Variants in PLEK observed in about 807,000 individuals in gnomAD.
PLEK encodes the protein pleckstrin.
PLEK carries 25 observed loss-of-function variants against 43.9 expected under a neutral mutation model. The ratio of observed to expected loss-of-function variants is 0.57; its 90% confidence interval spans 0.41 to 0.79. The LOEUF is 0.79. Ranked by LOEUF, PLEK falls within the 30% of genes least tolerant of loss-of-function variation. The probability of loss-of-function intolerance (pLI) is 0.00; values close to 1 mark genes in which losing one functional copy is unlikely to be tolerated. For missense variants in PLEK, 396 were observed against 413.3 expected (o/e 0.96, Z 0.36); for synonymous variants, 152 against 144.4 (o/e 1.05, Z -0.38).
At position 68,382,522 on chromosome 2, in the gene PLEK, G is replaced by C. The variant is rs1225074770; in HGVS notation, c.381-20G>C. The stretch of plus-strand genomic sequence containing the variant: ...TTTTTTTTTGTTTGTTTGTTTGTTT[G>C]CTTTTTTATCTCTGTGCAGTGCCTT... On this transcript the variant is annotated intron_variant, in intron 3 of 8. Transcript: ENST00000234313. 7.3e-7 allele frequency: 1 copy of C among 1,378,608 alleles called. No individual in the cohort carries two copies. The highest frequency in any genetic ancestry group is 2.3e-5 in the East Asian group (1 of 43,706). The allele number at this position is 1,378,608 out of a possible 1,614,324, so 85.4% of individuals were successfully genotyped here.
At chr2:68,365,538 A>G (rs1226143086) in intron 1 of PLEK, 145 bp downstream of exon 1, 3 of 668,702 alleles carry the variant, frequency 4.5e-6, no homozygotes, top group Non-Finnish European at 8.2e-6. Flanking sequence ...AGCACATAGA[A>G]TGTTGGAGTG....
At chr2:68,388,752 A>C (rs534026951) in intron 6 of PLEK, among the ~76,000 whole-genome samples, 2 of 151,810 alleles carry the variant, frequency 1.3e-5, no homozygotes, top group Non-Finnish European at 2.9e-5. Context: ...AAGGTGTTTC[A>C]AGAAAAATAT....
chr2:68,377,990 G>A (rs912684812), intron 1 of PLEK, among the ~76,000 whole-genome samples: 10 of 152,150 alleles, frequency 6.6e-5, no homozygotes, highest in African/African-American at 2.4e-4. Flanking sequence ...GGAACATATA[G>A]TTGGGTGGCA....
chr2:68,366,222 C>T (rs78623586), intron 1 of PLEK, among the ~76,000 whole-genome samples: 13,691 of 152,274 alleles, frequency 0.09, 776 homozygotes, highest in Non-Finnish European at 0.13. Flanking sequence ...ATGAGCTGAA[C>T]GTAGTGCCTT....
At position 68,395,933 on chromosome 2, in the gene PLEK, A is replaced by T. The variant is rs1673954680; in HGVS notation, c.*117A>T. 1.2e-6 allele frequency: 1 copy of T among 866,212 alleles called. No individual in the cohort carries two copies. Among genetic ancestry groups the T allele is most frequent in the Admixed American group, 2.3e-5 (1 of 43,962 alleles). The allele number at this position is 866,212 out of a possible 1,614,324, so 53.7% of individuals were successfully genotyped here. A position where few individuals can be genotyped will look rare whatever the true frequency, so the allele number is the denominator to read the frequency against. On this transcript the variant is annotated 3_prime_UTR_variant, in exon 9 of 9. Transcript: ENST00000234313. Reference sequence around the variant, plus strand: ...AACAGCCCAGGGGTGGGAAGTTTTCATTTGCAGGGGGGTCTGAATGTAACT... The same window carrying T: ...AACAGCCCAGGGGTGGGAAGTTTTCTTTTGCAGGGGGGTCTGAATGTAACT...
intron 4 of PLEK, among the ~76,000 whole-genome samples, chr2:68,386,250 C>A (rs1673739079): frequency 6.6e-6 from 1 of 152,110 alleles, no homozygotes; most frequent in Admixed American, 6.6e-5. Flanking sequence ...ACAGGTGTGC[C>A]ACCATACCTG....
intron 3 of PLEK, 145 bp downstream of exon 3, chr2:68,381,049 T>C (rs1673603885): frequency 2.8e-6 from 2 of 721,540 alleles, no homozygotes; most frequent in South Asian, 3.6e-5. Context: ...ACTAAAATGT[T>C]TACCTGGGTC....
In PLEK at chr2:68,388,364, C is replaced by T. The variant is rs749818815; in HGVS notation, c.658-23C>T. ...ATGTGCCTAAGACTGGTGATGTTAG[C>T]TTGCTGTTTGATTTTCCAACAGCCA... On this transcript the variant is annotated intron_variant, in intron 5 of 8. Coordinates refer to ENST00000234313, the MANE Select transcript of PLEK (RefSeq NM_002664.3). The T allele has an allele frequency of 2.2e-6, 3 of 1,394,618 alleles. No individual in the cohort carries two copies. In the South Asian group the frequency reaches 3.5e-5, roughly 16 times the overall value. 86.4% of individuals were successfully genotyped at this position (1,394,618 alleles called of 1,614,324 possible).
At chr2:68,380,971 TCCA>T in intron 3 of PLEK, 67 bp downstream of exon 3, 3 of 1,404,884 alleles carry the variant, frequency 2.1e-6, no homozygotes, top group Non-Finnish European at 3.0e-6. Flanking sequence ...CAGATCCTGC[TCCA>T]AGGCTTGCTT....
At chr2:68,381,291 AT>A (rs1249344788) in intron 3 of PLEK, among the ~76,000 whole-genome samples, 3 of 152,230 alleles carry the variant, frequency 2.0e-5, no homozygotes, top group African/African-American at 7.2e-5. Flanking sequence ...GTTCAAGTTC[AT>A]TCATTTACAC....
At chr2:68,368,675 T>C (rs1382779636) in intron 1 of PLEK, among the ~76,000 whole-genome samples, 1 of 152,374 alleles carries the variant, frequency 6.6e-6, no homozygotes, top group East Asian at 1.9e-4. Flanking sequence ...TACCTACTAC[T>C]GAATTAGATA....
At chr2:68,384,744 C>T (rs962175543) in intron 4 of PLEK, among the ~76,000 whole-genome samples, 2 of 152,114 alleles carry the variant, frequency 1.3e-5, no homozygotes, top group African/African-American at 2.4e-5. Context: ...ACTGAGTGAG[C>T]GTGGATGCAA....
chr2:68,385,213 G>A (rs1673712980), intron 4 of PLEK, among the ~76,000 whole-genome samples: 1 of 152,160 alleles, frequency 6.6e-6, no homozygotes, highest in Admixed American at 6.5e-5. Flanking sequence ...ATCAAATCGT[G>A]GTAACTAGTG....
chr2:68,378,441 A>G (rs1342982422), intron 1 of PLEK, among the ~76,000 whole-genome samples: 2 of 152,240 alleles, frequency 1.3e-5, no homozygotes, highest in Admixed American at 1.3e-4. Context: ...TTCCACCAGA[A>G]GAGAAACCAA....
At chr2:68,392,028 A>C (rs531106605) in intron 6 of PLEK, among the ~76,000 whole-genome samples, 8 of 152,296 alleles carry the variant, frequency 5.3e-5, no homozygotes, top group African/African-American at 1.9e-4. Context: ...GCAAGACACA[A>C]ATCCTGCCCT....
At chr2:68,373,378 C>T (rs974095184) in intron 1 of PLEK, among the ~76,000 whole-genome samples, 5 of 152,108 alleles carry the variant, frequency 3.3e-5, no homozygotes, top group African/African-American at 9.6e-5. Flanking sequence ...AGTCAGACCC[C>T]GGAGGCTGCA....
At chr2:68,365,493 G>A (rs1430012190) in intron 1 of PLEK, 100 bp downstream of exon 1, 2 of 965,066 alleles carry the variant, frequency 2.1e-6, no homozygotes, top group African/African-American at 1.6e-5. Context: ...AATGTTTCCT[G>A]TTCAACCAGT....
At chr2:68,379,031 G>C (rs1263289145) in intron 1 of PLEK, among the ~76,000 whole-genome samples, 1 of 152,206 alleles carries the variant, frequency 6.6e-6, no homozygotes, top group Non-Finnish European at 1.5e-5. Context: ...CTACCTGGGA[G>C]GCTGAGGTGG....
chr2:68,370,216 A>G (rs540290324), intron 1 of PLEK, among the ~76,000 whole-genome samples: 2 of 152,376 alleles, frequency 1.3e-5, no homozygotes, highest in South Asian at 4.1e-4. Flanking sequence ...TGTATGTGAA[A>G]AGAGAAATTT....
Sources: gnomAD v4.1 joint callset for allele counts (sites outside exome capture counted in the v4.1 genomes callset) on GRCh38, gnomAD v4.1.1 for gene constraint, MANE v1.5 for transcripts, NCBI Gene and HGNC (gene_info 2026-07-23, HGNC 2026-07-21) for gene names.